The following BAIAP2L2 variants were observed in gnomAD, a reference collection of about 807,000 sequenced individuals.
The protein encoded by BAIAP2L2 is BAR/IMD domain-containing adapter protein 2-like 2.
In BAIAP2L2, 65 loss-of-function variants were observed where a neutral mutation model predicts 60.4. The ratio of observed to expected loss-of-function variants is 1.08; its 90% CI spans 0.88 to 1.32. BAIAP2L2 has a LOEUF of 1.32. Ranked by LOEUF, BAIAP2L2 falls within the 40% of genes most tolerant of loss-of-function variation. BAIAP2L2 has a pLI of 0.00. For synonymous variants in BAIAP2L2, 344 were observed against 301.7 expected (o/e 1.14, Z -1.45); for missense variants, 836 against 741.2 (o/e 1.13, Z -1.48).
chr22:38,102,268 G>A (rs550874799), intron 4 of BAIAP2L2, among the ~76,000 whole-genome samples: 1 of 152,290 alleles, frequency 6.6e-6, no homozygotes, highest in Middle Eastern at 3.4e-3. Context: ...ATGTGGAGGA[G>A]AGAATGCCGT....
intron 1 of BAIAP2L2, 131 bp from the exon 2 acceptor site, chr22:38,109,339 G>GA (rs2086741446): frequency 1.4e-6 from 1 of 724,180 alleles, no homozygotes; most frequent in Non-Finnish European, 2.4e-6. Context: ...AGACTTTGGG[G>GA]GGCCCATCTA....
rs778640162 is a variant in BAIAP2L2 at position 38,087,162 on chromosome 22, G to T, written c.1221C>A (p.Pro407=). Residue 407 remains proline (P), a synonymous_variant, in exon 11 of 14, where the codon CCC becomes CCA. Coordinates refer to ENST00000381669, the MANE Select transcript of BAIAP2L2 (RefSeq NM_025045.6). The part of the protein sequence containing the change: ...TPMTSMTSMS[P]MTPMNPGNEL... Reference sequence around the variant, plus strand: ...CGTTCCCGGGGTTCATGGGTGTCATGGGGGACATGGAGGTCATGGAGGTCA... The same window carrying T: ...CGTTCCCGGGGTTCATGGGTGTCATTGGGGACATGGAGGTCATGGAGGTCA... 5.6e-6 allele frequency: 9 copies of T among 1,602,118 alleles called. No individual in the cohort carries two copies. The highest frequency in any genetic ancestry group is 7.7e-6 in the Non-Finnish European group (9 of 1,175,462).
chr22:38,085,102 G>A lies in BAIAP2L2; in HGVS notation c.*198C>T. The A allele has an allele frequency of 1.8e-6, 1 of 565,036 alleles. No individual in the cohort carries two copies. Among genetic ancestry groups the A allele is most frequent in the Non-Finnish European group, 3.1e-6 (1 of 317,480 alleles). 35.0% of individuals were successfully genotyped at this position (565,036 alleles called of 1,614,324 possible). A position where few individuals can be genotyped will look rare whatever the true frequency, so the allele number is the denominator to read the frequency against. On this transcript the variant is annotated 3_prime_UTR_variant, in exon 14 of 14. Transcript: ENST00000381669. Reference sequence around the variant, plus strand: ...ATTGTCCTGTCCCCCCATTCCGCCTGCTTTACTTTGAAGGTCTCGGACCCC... The same window carrying A: ...ATTGTCCTGTCCCCCCATTCCGCCTACTTTACTTTGAAGGTCTCGGACCCC...
intron 2 of BAIAP2L2, 40 bp downstream of exon 2, chr22:38,109,092 AG>A: frequency 6.5e-7 from 1 of 1,540,432 alleles, no homozygotes; most frequent in South Asian, 1.1e-5. Context: ...GGAACAGCAG[AG>A]GCCCAGGGCT....
At chr22:38,104,646 C>T (rs1181829352) in intron 4 of BAIAP2L2, among the ~76,000 whole-genome samples, 1 of 152,030 alleles carries the variant, frequency 6.6e-6, no homozygotes, top group Admixed American at 6.6e-5. Context: ...CAGGCGCCCA[C>T]CACCATGCCC....
chr22:38,098,033 T>G lies in BAIAP2L2; in HGVS notation c.465+30A>C. ...CCGAGGTCTGCCCACCCGCCCTTCC[T>G]GGCCCACCCCCGCTTCCCGGCCCTC... On this transcript the variant is annotated intron_variant, in intron 6 of 13. Coordinates refer to ENST00000381669, the MANE Select transcript of BAIAP2L2 (RefSeq NM_025045.6). The G allele has an allele frequency of 2.4e-4, 151 of 626,404 alleles. 1 individual carries two copies. Among genetic ancestry groups the G allele is most frequent in the Non-Finnish European group, 4.0e-4 (138 of 349,212 alleles). 38.8% of individuals were successfully genotyped at this position (626,404 alleles called of 1,614,324 possible). A position where few individuals can be genotyped will look rare whatever the true frequency, so the allele number is the denominator to read the frequency against.
intron 7 of BAIAP2L2, chr22:38,093,854 G>T: frequency 2.2e-6 from 1 of 456,004 alleles, no homozygotes; most frequent in Non-Finnish European, 4.4e-6. Flanking sequence ...ATATACCCAA[G>T]AGAGATGAAA....
At position 38,089,630 on chromosome 22, in the gene BAIAP2L2, C is replaced by T; in HGVS notation, c.657G>A (p.Gln219=). The T allele has an allele frequency of 1.6e-6, 2 of 1,232,778 alleles. No individual in the cohort carries two copies. The highest frequency in any genetic ancestry group is 2.0e-6 in the Non-Finnish European group (2 of 988,732). The allele number at this position is 1,232,778 out of a possible 1,614,324, so 76.4% of individuals were successfully genotyped here. The change falls in exon 8 of 14, where the codon CAG becomes CAA. Residue 219 remains glutamine (Q), a synonymous_variant. Coordinates refer to ENST00000381669, the MANE Select transcript of BAIAP2L2 (RefSeq NM_025045.6). ...LQNRVLLWKE[Q]SEASRSPSRA... ...GCGACGGGCTGCGGCTGGCCTCAGA[C>T]TGCTCCTTCCACAGCAGCACGCGGT...
At chr22:38,109,350 CA>C (rs2086742329) in intron 1 of BAIAP2L2, 142 bp from the exon 2 acceptor site, 13 of 658,644 alleles carry the variant, frequency 2.0e-5, no homozygotes, top group Middle Eastern at 2.8e-4. Context: ...GGCCCATCTA[CA>C]AACCTAGGCT....
rs1269422255 is a variant in BAIAP2L2 at position 38,110,567 on chromosome 22, T to G, written c.-42A>C. The G allele has an allele frequency of 6.4e-7, 1 of 1,558,786 alleles. No individual in the cohort carries two copies. The highest frequency in any genetic ancestry group is 8.8e-7 in the Non-Finnish European group (1 of 1,141,068). On this transcript the variant is annotated 5_prime_UTR_variant, in exon 1 of 14. Coordinates refer to ENST00000381669, the MANE Select transcript of BAIAP2L2 (RefSeq NM_025045.6). ...GTCTGAGCAGGAGGCTGGGAGCTGG[T>G]GGCGATGGCACAGCCGGGAGCAGTG...
chr22:38,087,382 T>C lies in BAIAP2L2; in HGVS notation c.1119-118A>G, dbSNP rs867539286. On this transcript the variant is annotated intron_variant, in intron 10 of 13. Coordinates refer to ENST00000381669, the MANE Select transcript of BAIAP2L2 (RefSeq NM_025045.6). ...GCTACTTCACCTCGAATTGACAGAC[T>C]ACAATCAATTCCGTATGTTTACTTC... 1.4e-5 allele frequency: 16 copies of C among 1,170,164 alleles called. 1 individual carries two copies. In the Middle Eastern group the frequency reaches 2.9e-3, roughly 214 times the overall value. The allele number at this position is 1,170,164 out of a possible 1,614,324, so 72.5% of individuals were successfully genotyped here. A position where few individuals can be genotyped will look rare whatever the true frequency, so the allele number is the denominator to read the frequency against.
chr22:38,095,248 A>T (rs569415079), intron 7 of BAIAP2L2, among the ~76,000 whole-genome samples: 44 of 152,332 alleles, frequency 2.9e-4, no homozygotes, highest in Non-Finnish European at 5.0e-4. Flanking sequence ...ACTAAGTCCT[A>T]AACTATCTTG....
rs1421992598 is a variant in BAIAP2L2 at position 38,107,900 on chromosome 22, C to T, written c.228G>A (p.Val76=). Reference sequence around the variant, plus strand: ...AGTGCCGCTGGGTGTCAGACATCTGCACCAAGATCTCCCCTGGAGGCATGG... The same window carrying T: ...AGTGCCGCTGGGTGTCAGACATCTGTACCAAGATCTCCCCTGGAGGCATGG... The part of the protein sequence containing the change: ...PTSQILGEIL[V]QMSDTQRHLN... Residue 76 remains valine, a synonymous_variant, in exon 4 of 14, where the codon GTG becomes GTA. Coordinates refer to ENST00000381669, the MANE Select transcript of BAIAP2L2 (RefSeq NM_025045.6). 1.9e-6 allele frequency: 3 copies of T among 1,613,404 alleles called. No individual in the cohort carries two copies. The highest frequency in any genetic ancestry group is 2.5e-6 in the Non-Finnish European group (3 of 1,179,956).
At chr22:38,109,065 AG>A in intron 2 of BAIAP2L2, 67 bp downstream of exon 2, 2 of 824,322 alleles carry the variant, frequency 2.4e-6, no homozygotes, top group East Asian at 1.7e-4. Context: ...AGAATCTGGG[AG>A]GGGCCTGGGT....
intron 10 of BAIAP2L2, among the ~76,000 whole-genome samples, chr22:38,087,550 T>C (rs1206040817): frequency 6.6e-6 from 1 of 151,790 alleles, no homozygotes; most frequent in African/African-American, 2.4e-5. Context: ...TATCCTCAGG[T>C]CCCCAAGGCA....
chr22:38,092,288 T>TGA (rs920978282), intron 7 of BAIAP2L2, among the ~76,000 whole-genome samples: 5 of 152,162 alleles, frequency 3.3e-5, no homozygotes, highest in Admixed American at 6.5e-5. Flanking sequence ...CTTCTTTTTT[T>TGA]GAGAGAGAGA....
At chr22:38,094,246 T>C (rs895375012) in intron 7 of BAIAP2L2, among the ~76,000 whole-genome samples, 1 of 152,044 alleles carries the variant, frequency 6.6e-6, no homozygotes, top group African/African-American at 2.4e-5. Flanking sequence ...AGTGCAGTGG[T>C]GCAATCTTGG....
intron 7 of BAIAP2L2, chr22:38,093,972 A>G: frequency 2.2e-6 from 1 of 456,646 alleles, no homozygotes; most frequent in Non-Finnish European, 4.4e-6. Flanking sequence ...CTGAGTAAAT[A>G]CATCGAGTAA....
At chr22:38,102,259 T>C (rs990797884) in intron 4 of BAIAP2L2, among the ~76,000 whole-genome samples, 1 of 151,572 alleles carries the variant, frequency 6.6e-6, no homozygotes, top group Non-Finnish European at 1.5e-5. Flanking sequence ...ACAGGGCCCA[T>C]GTGGAGGAGA....
Sources: gnomAD v4.1 joint callset for allele counts (sites outside exome capture counted in the v4.1 genomes callset) on GRCh38, gnomAD v4.1.1 for gene constraint, MANE v1.5 for transcripts, NCBI Gene and HGNC (gene_info 2026-07-23, HGNC 2026-07-21) for gene names.